Variants in MYCBPAP observed in about 807,000 individuals in gnomAD.
The protein encoded by MYCBPAP is MYCBP-associated protein.
MYCBPAP carries 60 observed loss-of-function variants against 106.1 expected under a neutral mutation model. That is an observed-to-expected ratio of 0.57 (90% CI 0.46 to 0.70). The LOEUF is 0.70. Ranked by LOEUF, MYCBPAP falls within the 30% of genes least tolerant of loss-of-function variation. The pLI is 0.00. For missense variants in MYCBPAP, 1,064 were observed against 1,169.3 expected (o/e 0.91, Z 1.31); for synonymous variants, 407 against 440.6 (o/e 0.92, Z 0.95).
Position 50,508,643 on chromosome 17 carries a change from C to G in MYCBPAP, c.-32C>G, listed in dbSNP as rs1217666996. On this transcript the variant is annotated 5_prime_UTR_variant, in exon 1 of 19. Coordinates refer to ENST00000323776, the MANE Select transcript of MYCBPAP (RefSeq NM_032133.6). ...CCTCGGTGTCTCTGGGCCGGCGGTG[C>G]AGGGCAACGTTTCATGGTGCCGGGC... The G allele has an allele frequency of 2.5e-6, 4 of 1,587,040 alleles. No individual in the cohort carries two copies. The Admixed American group carries it at 5.2e-5, about 21-fold the overall frequency.
At chr17:50,509,767 T>G (rs1415095335) in intron 1 of MYCBPAP, 1 of 152,930 alleles carries the variant, frequency 6.5e-6, no homozygotes, top group Non-Finnish European at 1.5e-5. Flanking sequence ...ATTAACTGTG[T>G]GACCCTGGTC....
rs758750696 is a variant in MYCBPAP, at chr17:50,508,665, G to A, written c.-10G>A. ...GTGCAGGGCAACGTTTCATGGTGCC[G>A]GGCGGCACCATGAAGTCTCTAAAGA... On this transcript the variant is annotated 5_prime_UTR_variant, in exon 1 of 19. Coordinates refer to ENST00000323776, the MANE Select transcript of MYCBPAP (RefSeq NM_032133.6). 9 of 1,601,322 alleles carry A rather than the reference G, an allele frequency of 5.6e-6. No individual in the cohort carries two copies. In the African/African-American group the frequency reaches 6.7e-5, roughly 12 times the overall value.
At chr17:50,509,561 TGTG>T (rs1366294094) in intron 1 of MYCBPAP, 1 of 164,846 alleles carries the variant, frequency 6.1e-6, no homozygotes, top group Non-Finnish European at 1.3e-5. Flanking sequence ...TGTGTGTGTG[TGTG>T]TGTGTGTGTG....
Position 50,508,751 on chromosome 17 carries a change from G to A in MYCBPAP, c.76+1G>A. Reference sequence around the variant, plus strand: ...TTAGAGGCCTCAGAGAATGTCAAAGGTTGGCGCTGGCTGCCTTGGGCGCTC... The same window carrying A: ...TTAGAGGCCTCAGAGAATGTCAAAGATTGGCGCTGGCTGCCTTGGGCGCTC... On this transcript the variant is annotated splice_donor_variant, in intron 1 of 18. Transcript: ENST00000323776. LOFTEE classifies it high-confidence loss of function. The A allele has an allele frequency of 1.2e-6, 2 of 1,608,440 alleles. No individual in the cohort carries two copies. The highest frequency in any genetic ancestry group is 1.7e-6 in the Non-Finnish European group (2 of 1,176,864).
chr17:50,522,709 A>AAAATATATATATATATAT, intron 10 of MYCBPAP: 21 of 50,040 alleles, frequency 4.2e-4, no homozygotes, highest in African/African-American at 2.4e-3. Flanking sequence ...AAAAAAAAAA[A>AAAATATATATATATATAT]ATATATATAT....
At position 50,510,503 on chromosome 17, in the gene MYCBPAP, A is replaced by C. The variant is rs62059672; in HGVS notation, c.76+1753A>C. On this transcript the variant is annotated intron_variant, in intron 1 of 18. Transcript: ENST00000323776. ...TGTGTGTGTGTGTGTGTGTGTGTAT[A>C]TATATATATATATATATATATATAT... is the stretch of plus-strand genomic sequence containing the variant. 237 of 97,702 alleles carry C rather than the reference A, an allele frequency of 2.4e-3. 4 individuals are homozygous for C. Among genetic ancestry groups the C allele is most frequent in the African/African-American group, 0.011 (220 of 19,280 alleles). 6.1% of individuals were successfully genotyped at this position (97,702 alleles called of 1,614,324 possible).
At chr17:50,520,991 G>C in intron 7 of MYCBPAP, 119 bp from the exon 8 acceptor site, 1 of 756,014 alleles carries the variant, frequency 1.3e-6, no homozygotes, top group Non-Finnish European at 2.2e-6. Context: ...CAGGGAAGCT[G>C]TATTTTTAGT....
At chr17:50,525,217 A>G in intron 13 of MYCBPAP, 194 bp downstream of exon 13, 1 of 597,490 alleles carries the variant, frequency 1.7e-6, no homozygotes, top group South Asian at 2.2e-5. Context: ...CATGCGAGGG[A>G]TGGAAATTGT....
chr17:50,522,470 G>A, intron 10 of MYCBPAP: 2 of 166,708 alleles, frequency 1.2e-5, no homozygotes, highest in Admixed American at 5.7e-5. Context: ...TGACGTGGGT[G>A]GATCACCTGA....
chr17:50,530,826 C>G (rs1203999047), intron 18 of MYCBPAP, among the ~76,000 whole-genome samples: 3 of 152,028 alleles, frequency 2.0e-5, no homozygotes, highest in African/African-American at 7.2e-5. Context: ...CCTGGAGTTG[C>G]CCCTTGAACA....
intron 1 of MYCBPAP, among the ~76,000 whole-genome samples, chr17:50,511,478 C>T (rs916622815): frequency 6.6e-6 from 1 of 152,174 alleles, no homozygotes; most frequent in African/African-American, 2.4e-5. Context: ...AGACTTTAAT[C>T]AACACTAAAA....
intron 5 of MYCBPAP, 34 bp from the exon 6 acceptor site, chr17:50,518,940 G>C: frequency 6.3e-7 from 1 of 1,594,468 alleles, no homozygotes; most frequent in Non-Finnish European, 8.6e-7. Context: ...GTTCTGGTTC[G>C]GCAGAGTGGC....
In MYCBPAP at chr17:50,529,094, CT is replaced by C. The variant is rs780842369; in HGVS notation, c.2633del (p.Leu878TrpfsTer16). 6.2e-7 allele frequency: 1 copy of C among 1,614,124 alleles called. No individual in the cohort carries two copies. The highest frequency in any genetic ancestry group is 1.7e-5 in the Admixed American group (1 of 60,022). ...VIKSASQDRF[S>X]LEDPTPDIIL... Reference sequence around the variant, plus strand: ...AAATCTGCAAGTCAGGACAGGTTTTCTTTGGAAGACCCTACCCCTGACATCA... The same window carrying C: ...AAATCTGCAAGTCAGGACAGGTTTTCTTGGAAGACCCTACCCCTGACATCA... On this transcript the variant is annotated frameshift_variant, in exon 18 of 19. Transcript: ENST00000323776. LOFTEE classifies it high-confidence loss of function.
chr17:50,521,491 T>A (rs538123655), intron 9 of MYCBPAP, 60 bp downstream of exon 9: 1 of 1,296,016 alleles, frequency 7.7e-7, no homozygotes, highest in Admixed American at 2.0e-5. Context: ...CCTACCAGTA[T>A]TAAAGAGCGG....
intron 1 of MYCBPAP, among the ~76,000 whole-genome samples, chr17:50,513,814 C>T (rs1053770242): frequency 6.6e-6 from 1 of 152,196 alleles, no homozygotes; most frequent in African/African-American, 2.4e-5. Context: ...TCATAGGCTG[C>T]CACCCACTTT....
chr17:50,527,232 C>T lies in MYCBPAP; in HGVS notation c.2170-55C>T, dbSNP rs761965341. The T allele has an allele frequency of 4.3e-5, 69 of 1,608,150 alleles. No individual in the cohort carries two copies. The South Asian group carries it at 7.1e-4, about 17-fold the overall frequency. On this transcript the variant is annotated intron_variant, in intron 14 of 18. Transcript: ENST00000323776. Reference sequence around the variant, plus strand: ...CATCCCCACATCACCATGCCCTTCACTAGAGGACACAGCCTTGGTGTCCTG... The same window carrying T: ...CATCCCCACATCACCATGCCCTTCATTAGAGGACACAGCCTTGGTGTCCTG...
At chr17:50,520,950 A>G (rs2034234398) in intron 7 of MYCBPAP, 160 bp from the exon 8 acceptor site, 2 of 612,594 alleles carry the variant, frequency 3.3e-6, no homozygotes, top group Admixed American at 2.7e-5. Context: ...CTGAGGAGGT[A>G]TAGGACAGGA....
intron 18 of MYCBPAP, among the ~76,000 whole-genome samples, chr17:50,530,490 T>C: frequency 6.5e-5 from 1 of 15,404 alleles, no homozygotes; most frequent in Non-Finnish European, 1.2e-4. Context: ...AGTGAGACTC[T>C]TACCTCCAAA....
intron 18 of MYCBPAP, chr17:50,529,696 G>C (rs1386107573): frequency 2.2e-6 from 1 of 452,508 alleles, no homozygotes; most frequent in Non-Finnish European, 4.4e-6. Flanking sequence ...GGCTCTGGCC[G>C]CCCTTTGGAG....
Sources: allele counts gnomAD v4.1 joint callset (sites outside exome capture counted in the v4.1 genomes callset), GRCh38; gene constraint gnomAD v4.1.1; transcripts MANE v1.5; gene names NCBI Gene and HGNC (gene_info 2026-07-23, HGNC 2026-07-21).